Variants in PTPRG observed in about 807,000 individuals in gnomAD.
PTPRG encodes receptor-type tyrosine-protein phosphatase gamma.
Under a neutral mutation model 165.3 loss-of-function variants are expected in PTPRG, and 102 were observed. The observed-to-expected ratio is 0.62, with a 90% CI of 0.53 to 0.73. The LOEUF (loss-of-function observed/expected upper bound fraction) is 0.73, where lower values mean the gene tolerates loss of function less well. Ranked by LOEUF, PTPRG falls within the 30% of genes least tolerant of loss-of-function variation. The pLI is 0.00. For synonymous variants in PTPRG, 675 were observed against 669.5 expected, an observed-to-expected ratio of 1.01 and a Z score of -0.13; for missense variants, 1,866 against 1,861.4, an observed-to-expected ratio of 1.00 and a Z score of -0.05.
At position 61,882,487 on chromosome 3, in the gene PTPRG, C is replaced by T. The variant is rs370439908; in HGVS notation, c.191-107138C>T. 9.9e-5 allele frequency among the ~76,000 whole-genome samples: 15 copies of T among 152,190 alleles called. 2 individuals carry two copies. In the South Asian group the frequency reaches 2.9e-3, roughly 30 times the overall value. ...ATTGATCTTGGAGATGATGATTTGTCATAATTCTATCTTGGTGGCAGAGTT... is the reference window on the plus strand; with the variant it reads ...ATTGATCTTGGAGATGATGATTTGTTATAATTCTATCTTGGTGGCAGAGTT... On this transcript the variant is annotated intron_variant, in intron 2 of 29. Transcript: ENST00000474889.
chr3:62,033,763 T>C (rs1431113987), intron 4 of PTPRG, among the ~76,000 whole-genome samples: 1 of 152,126 alleles, frequency 6.6e-6, no homozygotes, highest in East Asian at 1.9e-4. Context: ...ACCCTCATTG[T>C]TGACTGATGA....
intron 4 of PTPRG, among the ~76,000 whole-genome samples, chr3:62,033,726 A>T (rs2366421): frequency 0.3 from 45,289 of 151,806 alleles, 7,136 homozygotes; most frequent in African/African-American, 0.38. Context: ...AACAACTACC[A>T]TGACTACTCT....
chr3:62,046,077 A>T (rs1444008914), intron 4 of PTPRG, among the ~76,000 whole-genome samples: 1 of 152,098 alleles, frequency 6.6e-6, no homozygotes, highest in Non-Finnish European at 1.5e-5. Flanking sequence ...CTTGGTTGTT[A>T]TGTGAGGGCT....
At chr3:61,803,363 C>G (rs904118942) in intron 2 of PTPRG, among the ~76,000 whole-genome samples, 2 of 144,662 alleles carry the variant, frequency 1.4e-5, no homozygotes, top group African/African-American at 5.3e-5. Flanking sequence ...CCTGCGAAGT[C>G]TTTGAAATCT....
At chr3:62,248,779 C>G (rs748057369) in intron 15 of PTPRG, among the ~76,000 whole-genome samples, 1 of 152,178 alleles carries the variant, frequency 6.6e-6, no homozygotes, top group African/African-American at 2.4e-5. Flanking sequence ...ATTAGAAAAT[C>G]TAACTTTCTA....
chr3:62,084,615 T>C (rs1701684946), intron 5 of PTPRG, among the ~76,000 whole-genome samples: 1 of 152,230 alleles, frequency 6.6e-6, no homozygotes, highest in South Asian at 2.1e-4. Context: ...CACCTGGGAT[T>C]ATTTATAGAC....
chr3:62,059,648 A>G (rs80168360), intron 4 of PTPRG, among the ~76,000 whole-genome samples: 12,804 of 152,244 alleles, frequency 0.084, 562 homozygotes, highest in South Asian at 0.17. Flanking sequence ...GACCGGCCTG[A>G]GAAACACGGC....
At chr3:62,119,787 ATTTT>A (rs34842750) in intron 5 of PTPRG, among the ~76,000 whole-genome samples, 9 of 111,732 alleles carry the variant, frequency 8.1e-5, no homozygotes, top group South Asian at 6.3e-4. Flanking sequence ...CGCCTGGCTA[ATTTT>A]TTTTTTTTTT....
chr3:61,659,353 C>T (rs1702597826), intron 1 of PTPRG: 3 of 985,106 alleles, frequency 3.0e-6, no homozygotes, highest in Admixed American at 6.1e-5. Context: ...GTTCAATTTT[C>T]GGGAGCTCTT....
At chr3:61,871,178 A>G (rs202101979) in intron 2 of PTPRG, among the ~76,000 whole-genome samples, 2,726 of 85,460 alleles carry the variant, frequency 0.032, 42 homozygotes, top group African/African-American at 0.065. Context: ...ATGTTATGTT[A>G]TGTTATGTTA....
intron 2 of PTPRG, among the ~76,000 whole-genome samples, chr3:61,885,024 ATCT>A (rs753787784): frequency 3.3e-5 from 5 of 152,126 alleles, no homozygotes; most frequent in Non-Finnish European, 5.9e-5. Flanking sequence ...TTGGTAAATA[ATCT>A]TGATGTGTGG....
At chr3:61,969,918 A>G (rs960543931) in intron 2 of PTPRG, among the ~76,000 whole-genome samples, 2 of 152,224 alleles carry the variant, frequency 1.3e-5, no homozygotes, top group African/African-American at 4.8e-5. Context: ...ATATGGAAGT[A>G]CAACTTAATA....
intron 4 of PTPRG, among the ~76,000 whole-genome samples, chr3:62,013,542 G>C (rs187807064): frequency 6.6e-6 from 1 of 152,174 alleles, no homozygotes; most frequent in Admixed American, 6.5e-5. Context: ...CAGTATTCAG[G>C]ATTTTTGCTA....
At chr3:61,799,901 A>G (rs1286635820) in intron 2 of PTPRG, among the ~76,000 whole-genome samples, 2 of 152,160 alleles carry the variant, frequency 1.3e-5, no homozygotes, top group East Asian at 1.9e-4. Context: ...TGAATTCTGA[A>G]TTTGGAAGAT....
chr3:61,651,229 A>G (rs919642890), intron 1 of PTPRG, among the ~76,000 whole-genome samples: 5 of 151,930 alleles, frequency 3.3e-5, no homozygotes, highest in African/African-American at 9.7e-5. Context: ...TTAAGAGACC[A>G]TCTGGTATCT....
intron 1 of PTPRG, among the ~76,000 whole-genome samples, chr3:61,608,442 G>C (rs1395637738): frequency 6.6e-6 from 1 of 152,208 alleles, no homozygotes; most frequent in Non-Finnish European, 1.5e-5. Context: ...CTTCCGTGGA[G>C]AGCTGCATCT....
At chr3:62,047,436 A>G (rs1346968179) in intron 4 of PTPRG, among the ~76,000 whole-genome samples, 1 of 151,822 alleles carries the variant, frequency 6.6e-6, no homozygotes, top group African/African-American at 2.4e-5. Flanking sequence ...ATTTTTTTGT[A>G]TTTTTAGTAG....
At chr3:62,138,944 A>G (rs1347833901) in intron 6 of PTPRG, among the ~76,000 whole-genome samples, 5 of 152,144 alleles carry the variant, frequency 3.3e-5, no homozygotes, top group Non-Finnish European at 5.9e-5. Context: ...CTGTGAAAAG[A>G]CTTCAAAACA....
At chr3:61,866,013 G>T (rs1266580724) in intron 2 of PTPRG, among the ~76,000 whole-genome samples, 1 of 152,178 alleles carries the variant, frequency 6.6e-6, no homozygotes, top group Non-Finnish European at 1.5e-5. Context: ...TTTACAGATA[G>T]AATCTTTAAC....
Sources: allele counts gnomAD v4.1 joint callset (sites outside exome capture counted in the v4.1 genomes callset), GRCh38; gene constraint gnomAD v4.1.1; transcripts MANE v1.5; gene names NCBI Gene and HGNC (gene_info 2026-07-23, HGNC 2026-07-21).